Variants in RABGAP1L observed in about 807,000 individuals in gnomAD.
The protein encoded by RABGAP1L is RAB GTPase activating protein 1 like.
A neutral mutation model predicts 137.7 loss-of-function variants in RABGAP1L; 63 were observed. That is an observed-to-expected ratio of 0.46 (90% CI 0.37 to 0.56). The LOEUF (loss-of-function observed/expected upper bound fraction) is 0.56. RABGAP1L is among the 20% of genes least tolerant of loss of function. The pLI is 0.00. For synonymous variants in RABGAP1L, 431 were observed against 433.7 expected, an observed-to-expected ratio of 0.99 and a Z score of 0.08; for missense variants, 1,095 against 1,244.0, an observed-to-expected ratio of 0.88 and a Z score of 1.80.
At chr1:174,336,666 T>C (rs1317016157) in intron 11 of RABGAP1L, among the ~76,000 whole-genome samples, 1 of 152,184 alleles carries the variant, frequency 6.6e-6, no homozygotes, top group African/African-American at 2.4e-5. Flanking sequence ...CTGCTCCTGG[T>C]TACACCATGG....
chr1:174,547,969 A>G lies in RABGAP1L; in HGVS notation c.1711-89406A>G. ...TAGACTTGATGTTCTGATTACTTAT[A>G]CTTTTTGTTTTAGTTCCTTTCCTGA... On this transcript the variant is annotated intron_variant, in intron 13 of 25. Coordinates refer to ENST00000681986, the MANE Select transcript of RABGAP1L (RefSeq NM_001366446.1). 3 of 1,550,444 alleles carry G rather than the reference A, an allele frequency of 1.9e-6. No individual in the cohort carries two copies. In the South Asian group the frequency reaches 3.6e-5, roughly 18 times the overall value.
chr1:174,688,921 A>G (rs1678666803), intron 15 of RABGAP1L, among the ~76,000 whole-genome samples: 1 of 152,166 alleles, frequency 6.6e-6, no homozygotes, highest in South Asian at 2.1e-4. Context: ...AGATAGATGG[A>G]AAAAACTATA....
At chr1:174,503,495 A>G (rs1259580361) in intron 13 of RABGAP1L, among the ~76,000 whole-genome samples, 3 of 151,898 alleles carry the variant, frequency 2.0e-5, no homozygotes, top group Admixed American at 2.0e-4. Flanking sequence ...CCCCATCTCT[A>G]CTAAAAATAC....
intron 13 of RABGAP1L, among the ~76,000 whole-genome samples, chr1:174,412,648 C>T (rs1376894366): frequency 6.6e-6 from 1 of 152,042 alleles, no homozygotes; most frequent in Non-Finnish European, 1.5e-5. Context: ...CCTTGTAAAA[C>T]TGGTTTAGTG....
chr1:174,667,348 A>T (rs1572738345), intron 14 of RABGAP1L, among the ~76,000 whole-genome samples: 1 of 152,260 alleles, frequency 6.6e-6, no homozygotes, highest in East Asian at 1.9e-4. Flanking sequence ...CAGAGAGAGA[A>T]TCTAAGTGAT....
chr1:174,686,648 C>CTTTTTTTTTTTTT (rs533716511), intron 15 of RABGAP1L, among the ~76,000 whole-genome samples: 1 of 105,770 alleles, frequency 9.5e-6, no homozygotes, highest in Non-Finnish European at 2.1e-5. Flanking sequence ...ACAAAGCAAT[C>CTTTTTTTTTTTTT]TTTTTTTTTT....
chr1:174,950,799 C>A (rs1275500120), intron 19 of RABGAP1L, among the ~76,000 whole-genome samples: 1 of 152,158 alleles, frequency 6.6e-6, no homozygotes, highest in East Asian at 1.9e-4. Context: ...TATTAATTTT[C>A]TAGGCACCTG....
chr1:174,842,817 A>G (rs975286810), intron 19 of RABGAP1L, among the ~76,000 whole-genome samples: 2 of 152,176 alleles, frequency 1.3e-5, no homozygotes, highest in African/African-American at 4.8e-5. Flanking sequence ...ATTAACATCC[A>G]AAACTATATA....
intron 18 of RABGAP1L, among the ~76,000 whole-genome samples, chr1:174,754,209 A>T (rs1228057734): frequency 6.6e-6 from 1 of 152,190 alleles, no homozygotes; most frequent in East Asian, 1.9e-4. Flanking sequence ...AGAGAAGATA[A>T]AAAGAGCCTT....
In RABGAP1L at chr1:174,241,484, A is replaced by G. The variant is rs758563415; in HGVS notation, c.544A>G (p.Ile182Val). The change falls in exon 5 of 26, where the codon ATT (isoleucine) becomes GTT (valine). Residue 182 changes from isoleucine to valine, a missense_variant and splice_region_variant. Transcript: ENST00000681986. ...TAACTTTTCATTACTGTTCTACAGA[A>G]TTATAGACCAATCCAGCAATGTGGA... Reference protein sequence around the residue: ...VPNVPEGSVRIIDQSSNVEIA... With the variant: ...VPNVPEGSVRVIDQSSNVEIA... 7.0e-6 allele frequency: 11 copies of G among 1,573,988 alleles called. No homozygotes were observed. The highest frequency in any genetic ancestry group is 1.9e-5 in the Admixed American group (1 of 53,768).
At chr1:174,894,242 C>G (rs1292275764) in intron 19 of RABGAP1L, among the ~76,000 whole-genome samples, 1 of 152,190 alleles carries the variant, frequency 6.6e-6, no homozygotes, top group Admixed American at 6.5e-5. Context: ...TAATTTATTC[C>G]TTCATGTAAA....
At position 174,418,549 on chromosome 1, in the gene RABGAP1L, CCTT is replaced by C. The variant is rs776371721; in HGVS notation, c.1710+24405_1710+24407del. Among the ~76,000 whole-genome samples, 11 of 152,170 alleles carry C rather than the reference CCTT, an allele frequency of 7.2e-5. No individual in the cohort carries two copies. The South Asian group carries it at 2.3e-3, about 32-fold the overall frequency. On this transcript the variant is annotated intron_variant, in intron 13 of 25. Coordinates refer to ENST00000681986, the MANE Select transcript of RABGAP1L (RefSeq NM_001366446.1). Reference sequence around the variant, plus strand: ...AAGAATGCCTGTAGCAGTGGAGTGTCCTTGAAATATGAGGGAAACACATGTCTT... The same window carrying C: ...AAGAATGCCTGTAGCAGTGGAGTGTCGAAATATGAGGGAAACACATGTCTT...
At chr1:174,678,762 C>T (rs1347447722) in intron 14 of RABGAP1L, among the ~76,000 whole-genome samples, 3 of 152,216 alleles carry the variant, frequency 2.0e-5, no homozygotes, top group Admixed American at 2.0e-4. Flanking sequence ...ATTGTTATAG[C>T]TCTATTCAGC....
At chr1:174,764,282 G>A (rs929971017) in intron 18 of RABGAP1L, among the ~76,000 whole-genome samples, 1 of 152,148 alleles carries the variant, frequency 6.6e-6, no homozygotes, top group African/African-American at 2.4e-5. Context: ...TGTGTACAAG[G>A]TTTTGTGAAC....
intron 13 of RABGAP1L, among the ~76,000 whole-genome samples, chr1:174,584,865 G>C (rs1348158080): frequency 6.6e-6 from 1 of 151,636 alleles, no homozygotes; most frequent in African/African-American, 2.4e-5. Flanking sequence ...CTCCTACAGA[G>C]AGAAAAGCTT....
Position 174,250,715 on chromosome 1 carries a change from G to A in RABGAP1L, c.875+83G>A, listed in dbSNP as rs965945159. ...ATATAAAGTTTCAAGAAACTATACA[G>A]TGTTGGCATAAAGCCTCAAACTGAT... On this transcript the variant is annotated intron_variant, in intron 6 of 25. Coordinates refer to ENST00000681986, the MANE Select transcript of RABGAP1L (RefSeq NM_001366446.1). 1.0e-5 allele frequency: 13 copies of A among 1,265,898 alleles called. No homozygotes were observed. In the Admixed American group the frequency reaches 1.6e-4, roughly 15 times the overall value. 78.4% of individuals were successfully genotyped at this position (1,265,898 alleles called of 1,614,324 possible).
At chr1:174,318,610 TTC>T (rs1158801782) in intron 11 of RABGAP1L, among the ~76,000 whole-genome samples, 1 of 149,744 alleles carries the variant, frequency 6.7e-6, no homozygotes, top group Non-Finnish European at 1.5e-5. Flanking sequence ...CTTTCTTTCT[TTC>T]TTTCTTTCTT....
chr1:174,978,839 G>A lies in RABGAP1L; in HGVS notation c.2682G>A (p.Lys894=), dbSNP rs1372449065. 1 of 1,544,730 alleles carries A rather than the reference G, an allele frequency of 6.5e-7. No individual in the cohort carries two copies. Among genetic ancestry groups the A allele is most frequent in the Non-Finnish European group, 8.7e-7 (1 of 1,145,062 alleles). Residue 894 remains lysine (K), a synonymous_variant, in exon 23 of 26, where the codon AAG becomes AAA. Transcript: ENST00000681986. The part of the protein sequence containing the change: ...LKEVFRKQLE[K]AEYEIKKTTA... ...AAGTCTTCAGGAAACAGCTAGAGAA[G>A]GCAGAATATGAAATAAAGAAGACTA...
intron 15 of RABGAP1L, among the ~76,000 whole-genome samples, chr1:174,691,167 G>C (rs1678852876): frequency 1.3e-5 from 2 of 152,134 alleles, no homozygotes; most frequent in South Asian, 4.1e-4. Flanking sequence ...TATCAGTAGA[G>C]TGTTCATCTC....
Sources: gnomAD v4.1 joint callset for allele counts (sites outside exome capture counted in the v4.1 genomes callset) on GRCh38, gnomAD v4.1.1 for gene constraint, MANE v1.5 for transcripts, NCBI Gene and HGNC (gene_info 2026-07-23, HGNC 2026-07-21) for gene names.